Variants in FTCD observed in about 807,000 individuals in gnomAD.
FTCD encodes formimidoyltransferase-cyclodeaminase.
In FTCD, 76 loss-of-function variants were observed where a neutral mutation model predicts 62.9. That is an observed-to-expected ratio of 1.21 (90% confidence interval 1.00 to 1.46). FTCD has a LOEUF of 1.46. FTCD is among the 40% of genes most tolerant of loss of function. The pLI, the probability that FTCD is intolerant of heterozygous loss-of-function variation, is 0.00. For synonymous variants in FTCD, 397 were observed against 336.9 expected (o/e 1.18, Z -1.95); for missense variants, 845 against 751.3 (o/e 1.12, Z -1.46).
chr21:46,151,933 G>A lies in FTCD; in HGVS notation c.415C>T (p.Pro139Ser), dbSNP rs1200185643. ...TCGTACTCCCCGGCCCGGATGGCCG[G>A]CAGGGTCCGGCGACTGTCCATCCTG... ...AARMDSRRTL[P>S]AIRAGEYEAL... The change falls in exon 4 of 14, where the codon CCG (proline) becomes TCG (serine). Residue 139 changes from proline to serine, a missense_variant. Coordinates refer to ENST00000397746, the MANE Select transcript of FTCD (RefSeq NM_206965.2). The A allele has an allele frequency of 6.4e-7, 1 of 1,572,706 alleles. No homozygotes were observed. The highest frequency in any genetic ancestry group is 1.7e-4 in the Middle Eastern group (1 of 5,846).
At position 46,145,557 on chromosome 21, in the gene FTCD, C is replaced by A; in HGVS notation, c.1120G>T (p.Val374Leu). 1 of 1,544,276 alleles carries A rather than the reference C, an allele frequency of 6.5e-7. No individual in the cohort carries two copies. Residue 374 changes from valine to leucine, a missense_variant, in exon 10 of 14, where the codon GTG becomes TTG. Physicochemically the swap from Val to Leu is conservative, Grantham distance 32. Coordinates refer to ENST00000397746, the MANE Select transcript of FTCD (RefSeq NM_206965.2). Reference sequence around the variant, plus strand: ...CGCCGCCCGTAGGTCATGAGGCCCACCATGGAGCCCAGCGCCGCACCCTGC... The same window carrying A: ...CGCCGCCCGTAGGTCATGAGGCCCAACATGGAGCCCAGCGCCGCACCCTGC... ...AAMGAALGSMVGLMTYGRRQF... is the reference protein window; with the variant it reads ...AAMGAALGSMLGLMTYGRRQF...
intron 12 of FTCD, 94 bp from the exon 13 acceptor site, chr21:46,137,428 CT>C (rs1335529658): frequency 4.2e-6 from 4 of 950,146 alleles, no homozygotes; most frequent in Non-Finnish European, 6.8e-6. Flanking sequence ...ACAGGCCGGA[CT>C]TCGTCCTCCT....
intron 1 of FTCD, among the ~76,000 whole-genome samples, chr21:46,154,982 G>T (rs1412583759): frequency 6.6e-6 from 1 of 152,112 alleles, no homozygotes; most frequent in East Asian, 1.9e-4. Context: ...GGACCTGGGG[G>T]CCTGCTGCCC....
At chr21:46,151,484 G>A (rs1025993905) in intron 5 of FTCD, 74 bp downstream of exon 5, 17 of 1,384,644 alleles carry the variant, frequency 1.2e-5, no homozygotes, top group African/African-American at 2.8e-5. Flanking sequence ...CGACCTCCCC[G>A]CCTGAGGCTC....
Position 46,146,034 on chromosome 21 carries a change from G to A in FTCD, c.969-87C>T, listed in dbSNP as rs567634162. The A allele has an allele frequency of 2.8e-4, 236 of 843,668 alleles. No individual in the cohort carries two copies. In the African/African-American group the frequency reaches 3.3e-3, roughly 12 times the overall value. The allele number at this position is 843,668 out of a possible 1,614,324, so 52.3% of individuals were successfully genotyped here. ...CGGGGCGGCCCCAGGCCCCACGCCCGTCTGCACCCACGGGGAGGTGACCAC... is the reference window on the plus strand; with the variant it reads ...CGGGGCGGCCCCAGGCCCCACGCCCATCTGCACCCACGGGGAGGTGACCAC... On this transcript the variant is annotated intron_variant, in intron 8 of 13. Coordinates refer to ENST00000397746, the MANE Select transcript of FTCD (RefSeq NM_206965.2).
intron 10 of FTCD, among the ~76,000 whole-genome samples, chr21:46,143,431 C>G (rs59690622): frequency 0.064 from 9,688 of 151,412 alleles, 993 homozygotes; most frequent in African/African-American, 0.22. Context: ...ACCGAGGGCA[C>G]GAGCTGTTTT....
rs780646874 is a variant in FTCD at position 46,138,863 on chromosome 21, C to T, written c.1304+17G>A. 59 of 1,605,108 alleles carry T rather than the reference C, an allele frequency of 3.7e-5. No homozygotes were observed. Among genetic ancestry groups the T allele is most frequent in the Non-Finnish European group, 4.4e-5 (51 of 1,172,140 alleles). ...CAGACACAGAGGCCCACGGTGCGGCCGGCCCTCCAGGCTCACCTGTCCTTT... is the reference window on the plus strand; with the variant it reads ...CAGACACAGAGGCCCACGGTGCGGCTGGCCCTCCAGGCTCACCTGTCCTTT... On this transcript the variant is annotated intron_variant, in intron 11 of 13. Coordinates refer to ENST00000397746, the MANE Select transcript of FTCD (RefSeq NM_206965.2).
Position 46,138,513 on chromosome 21 carries a change from G to C in FTCD, c.1438C>G (p.Leu480Val). Residue 480 changes from leucine to valine, a missense_variant, in exon 12 of 14, where the codon CTC becomes GTC. Coordinates refer to ENST00000397746, the MANE Select transcript of FTCD (RefSeq NM_206965.2). ...RCGNLACRSD[L>V]QVAAKALEMG... is the part of the protein sequence containing the mutation. ...GGTCCCCCGGGCCCCCCTACCTGGAGGTCTGACCGGCAGGCCAGGTTCCCA... is the reference window on the plus strand; with the variant it reads ...GGTCCCCCGGGCCCCCCTACCTGGACGTCTGACCGGCAGGCCAGGTTCCCA... 1 of 1,585,434 alleles carries C rather than the reference G, an allele frequency of 6.3e-7. No individual in the cohort carries two copies. Among genetic ancestry groups the C allele is most frequent in the African/African-American group, 1.3e-5 (1 of 74,820 alleles).
downstream of FTCD, chr21:46,136,510 A>C (rs751703332): frequency 6.2e-7 from 1 of 1,612,034 alleles, no homozygotes; most frequent in East Asian, 2.2e-5. Context: ...CCATGCACAG[A>C]ACCAGGGCCC....
chr21:46,150,320 GC>G, intron 6 of FTCD, 67 bp downstream of exon 6: 3 of 1,610,068 alleles, frequency 1.9e-6, no homozygotes, highest in South Asian at 1.1e-5. Context: ...AGGATGTGGG[GC>G]CCCCGCCCTG....
chr21:46,152,727 C>T (rs796503408), intron 3 of FTCD, 180 bp downstream of exon 3: 47 of 580,050 alleles, frequency 8.1e-5, no homozygotes, highest in South Asian at 6.2e-4. Context: ...CCTGCACGGC[C>T]GCAGGCGAGG....
intron 10 of FTCD, 87 bp from the exon 11 acceptor site, chr21:46,139,010 G>C (rs2078936119): frequency 2.0e-6 from 2 of 1,016,478 alleles, no homozygotes; most frequent in Non-Finnish European, 3.1e-6. Context: ...CTGTAGCAAG[G>C]AGCATGTCCC....
downstream of FTCD, chr21:46,136,436 T>C (rs765612802): frequency 6.8e-6 from 11 of 1,612,478 alleles, no homozygotes; most frequent in Non-Finnish European, 9.3e-6. Flanking sequence ...TGCCGGGAGC[T>C]GCACCTGGGA....
At chr21:46,151,830 C>G (rs1018352742) in intron 4 of FTCD, 62 bp downstream of exon 4, 6 of 1,567,236 alleles carry the variant, frequency 3.8e-6, no homozygotes, top group Non-Finnish European at 5.2e-6. Context: ...CCAGCCACCC[C>G]AGCCAGGACA....
rs1468291596 is a variant in FTCD, at chr21:46,145,567, C to G, written c.1110G>C (p.Leu370=). 5.8e-6 allele frequency: 9 copies of G among 1,538,914 alleles called. No homozygotes were observed. The highest frequency in any genetic ancestry group is 1.7e-4 in the Middle Eastern group (1 of 5,884). ...AGGTCATGAGGCCCACCATGGAGCC[C>G]AGCGCCGCACCCTGCGAGAGGGGTG... is the stretch of plus-strand genomic sequence containing the variant. The part of the protein sequence containing the change: ...AAAAAAMGAA[L]GSMVGLMTYG... Residue 370 remains leucine (L), a synonymous_variant, in exon 10 of 14, where the codon CTG becomes CTC. Transcript: ENST00000397746.
At chr21:46,150,927 G>C (rs200923603) in intron 5 of FTCD, among the ~76,000 whole-genome samples, 2 of 152,218 alleles carry the variant, frequency 1.3e-5, no homozygotes, top group African/African-American at 2.4e-5. Flanking sequence ...GAGTCCACGT[G>C]GGGGGACTCT....
In FTCD at chr21:46,151,703, G is replaced by T; in HGVS notation, c.491C>A (p.Pro164His). 1 of 1,612,988 alleles carries T rather than the reference G, an allele frequency of 6.2e-7. No homozygotes were observed. Among genetic ancestry groups the T allele is most frequent in the Non-Finnish European group, 8.5e-7 (1 of 1,179,968 alleles). ...CCCCCAACTGGGGACAAAGGAGCTG[G>T]GACCAAAGTCGGGCGCCCAGTCGGC... ...QQADWAPDFG[P>H]SSFVPSWGAT... Residue 164 changes from proline to histidine, a missense_variant, in exon 5 of 14, where the codon CCC becomes CAC. Physicochemically the swap from Pro to His is moderately conservative, Grantham distance 77. Coordinates refer to ENST00000397746, the MANE Select transcript of FTCD (RefSeq NM_206965.2).
At chr21:46,136,693 C>A, downstream of FTCD, 1 of 1,466,698 alleles carries the variant, frequency 6.8e-7, no homozygotes, top group Non-Finnish European at 9.0e-7. Flanking sequence ...CTCCCATGGG[C>A]CACTGACCAT....
intron 2 of FTCD, among the ~76,000 whole-genome samples, chr21:46,153,258 C>T (rs942441476): frequency 2.0e-5 from 3 of 152,212 alleles, no homozygotes; most frequent in African/African-American, 4.8e-5. Flanking sequence ...GTTCCCGCAC[C>T]GTCCTCCCAG....
Sources: gnomAD v4.1 joint callset for allele counts (sites outside exome capture counted in the v4.1 genomes callset) on GRCh38, gnomAD v4.1.1 for gene constraint, MANE v1.5 for transcripts, NCBI Gene and HGNC (gene_info 2026-07-23, HGNC 2026-07-21) for gene names.